Variants in RANBP17 observed in about 807,000 individuals in gnomAD.
RANBP17 encodes RAN binding protein 17, also known as ran-binding protein 17.
Under a neutral mutation model 141.2 loss-of-function variants are expected in RANBP17, and 158 were observed. The observed-to-expected ratio is 1.12, with a 90% CI of 0.98 to 1.28. RANBP17 has a LOEUF of 1.28. RANBP17 is among the 50% of genes most tolerant of loss of function. The pLI, the probability that RANBP17 is intolerant of heterozygous loss-of-function variation, is 0.00. For missense variants in RANBP17, 1,438 were observed against 1,290.7 expected (o/e 1.11, Z -1.75); for synonymous variants, 430 against 450.0 (o/e 0.96, Z 0.56).
intron 16 of RANBP17, among the ~76,000 whole-genome samples, chr5:171,178,019 G>GT (rs1464956115): frequency 4.1e-5 from 6 of 146,324 alleles, no homozygotes; most frequent in African/African-American, 1.6e-4. Flanking sequence ...TTTTTTATGT[G>GT]GTTTTTTTTT....
At chr5:171,183,873 C>T (rs939370596) in intron 18 of RANBP17, among the ~76,000 whole-genome samples, 3 of 151,984 alleles carry the variant, frequency 2.0e-5, no homozygotes, top group South Asian at 2.1e-4. Context: ...ATGATTGGCA[C>T]GCAATAAAAA....
chr5:171,068,569 T>TTG (rs1784441591), intron 14 of RANBP17, among the ~76,000 whole-genome samples: 2 of 148,926 alleles, frequency 1.3e-5, no homozygotes, highest in Non-Finnish European at 3.0e-5. Flanking sequence ...TTACTTTCCT[T>TTG]TTGTTGTTGT....
At chr5:171,109,295 T>G (rs917650861) in intron 14 of RANBP17, among the ~76,000 whole-genome samples, 3 of 152,234 alleles carry the variant, frequency 2.0e-5, no homozygotes, top group Non-Finnish European at 4.4e-5. Context: ...CTGCTCAAAC[T>G]AAGCAGCTGT....
chr5:171,225,760 G>A (rs983273512), intron 22 of RANBP17, among the ~76,000 whole-genome samples: 1 of 152,204 alleles, frequency 6.6e-6, no homozygotes, highest in African/African-American at 2.4e-5. Context: ...AAATGCAACT[G>A]ACTTGTTATG....
intron 14 of RANBP17, among the ~76,000 whole-genome samples, chr5:171,162,271 G>A: frequency 6.6e-6 from 1 of 152,164 alleles, no homozygotes; most frequent in Non-Finnish European, 1.5e-5. Context: ...GCTGTGTCAG[G>A]ACAAATGTAC....
At chr5:170,908,056 C>T (rs1037766437) in intron 5 of RANBP17, among the ~76,000 whole-genome samples, 1 of 151,938 alleles carries the variant, frequency 6.6e-6, no homozygotes. Context: ...GAAAAGGGAA[C>T]TCTTATATAC....
chr5:170,868,447 T>C (rs545167805), intron 1 of RANBP17, among the ~76,000 whole-genome samples: 1 of 147,384 alleles, frequency 6.8e-6, no homozygotes, highest in South Asian at 2.1e-4. Context: ...TGTTGTTGTA[T>C]TTTTTGAAGA....
At chr5:171,007,108 A>G (rs1779689859) in intron 14 of RANBP17, among the ~76,000 whole-genome samples, 1 of 152,180 alleles carries the variant, frequency 6.6e-6, no homozygotes, top group South Asian at 2.1e-4. Flanking sequence ...GGGAAAGGGT[A>G]GAAGTTAGGA....
intron 13 of RANBP17, among the ~76,000 whole-genome samples, chr5:170,957,560 A>T (rs1278621414): frequency 6.6e-6 from 1 of 152,196 alleles, no homozygotes; most frequent in Non-Finnish European, 1.5e-5. Flanking sequence ...CTGAGGTTGA[A>T]CAAGGTGATA....
chr5:171,088,922 C>G (rs1785939580), intron 14 of RANBP17, among the ~76,000 whole-genome samples: 1 of 151,976 alleles, frequency 6.6e-6, no homozygotes, highest in Non-Finnish European at 1.5e-5. Flanking sequence ...CCTCCTGTAG[C>G]TCAGAGTAAT....
intron 12 of RANBP17, among the ~76,000 whole-genome samples, chr5:170,942,471 T>C (rs984102225): frequency 2.0e-5 from 3 of 152,180 alleles, no homozygotes; most frequent in Non-Finnish European, 4.4e-5. Context: ...AGATGTTTAA[T>C]GAAAAGCAAC....
At chr5:171,144,233 G>T (rs1328553933) in intron 14 of RANBP17, among the ~76,000 whole-genome samples, 1 of 151,980 alleles carries the variant, frequency 6.6e-6, no homozygotes. Context: ...GAATGGTGGT[G>T]TGCACTACTC....
At chr5:171,192,916 G>GAAAAACA (rs747172651) in intron 18 of RANBP17, among the ~76,000 whole-genome samples, 1 of 152,154 alleles carries the variant, frequency 6.6e-6, no homozygotes, top group African/African-American at 2.4e-5. Context: ...AAACTGAAAT[G>GAAAAACA]AAAAACAAAT....
chr5:170,914,165 A>C lies in RANBP17; in HGVS notation c.761-2A>C, dbSNP rs1301583214. 1 of 1,598,174 alleles carries C rather than the reference A, an allele frequency of 6.3e-7. No homozygotes were observed. Among genetic ancestry groups the C allele is most frequent in the Non-Finnish European group, 8.6e-7 (1 of 1,166,560 alleles). ...GTGTTAGAAAATAATTTTTTTTCCC[A>C]GTTTTCCTGGAACCAGAAACATTGG... On this transcript the variant is annotated splice_acceptor_variant, in intron 7 of 27. Coordinates refer to ENST00000523189, the MANE Select transcript of RANBP17 (RefSeq NM_022897.5). LOFTEE classifies it high-confidence loss of function.
intron 14 of RANBP17, among the ~76,000 whole-genome samples, chr5:171,134,859 T>C (rs1757162440): frequency 6.6e-6 from 1 of 150,746 alleles, no homozygotes; most frequent in African/African-American, 2.4e-5. Context: ...GAAGCAGAGG[T>C]TATAGTGAGC....
intron 22 of RANBP17, among the ~76,000 whole-genome samples, chr5:171,230,587 C>T (rs1384281011): frequency 6.6e-6 from 1 of 152,042 alleles, no homozygotes; most frequent in African/African-American, 2.4e-5. Context: ...ATGGCGAAAC[C>T]CCATCTCTAC....
intron 14 of RANBP17, among the ~76,000 whole-genome samples, chr5:171,056,044 A>G (rs988008407): frequency 6.6e-6 from 1 of 152,194 alleles, no homozygotes; most frequent in Non-Finnish European, 1.5e-5. Context: ...AAAATACTTT[A>G]TTCAATTGTT....
intron 14 of RANBP17, among the ~76,000 whole-genome samples, chr5:171,058,667 G>T (rs1443672126): frequency 6.7e-6 from 1 of 150,170 alleles, no homozygotes; most frequent in South Asian, 2.1e-4. Flanking sequence ...AGTCCTTTGG[G>T]TATATACCCA....
Position 170,906,759 on chromosome 5 carries a change from A to G in RANBP17, c.490-2902A>G, listed in dbSNP as rs369886860. 7.2e-4 allele frequency among the ~76,000 whole-genome samples: 109 copies of G among 152,036 alleles called. 1 individual carries two copies. The South Asian group carries it at 0.017, about 23-fold the overall frequency. On this transcript the variant is annotated intron_variant, in intron 5 of 27. Transcript: ENST00000523189. ...TGCTCAGATTTTCCAAGATTTGACC[A>G]ATAGGACCTTTTTCAAGCTGATTTT... is the stretch of plus-strand genomic sequence containing the variant.
Sources: gnomAD v4.1 joint callset for allele counts (sites outside exome capture counted in the v4.1 genomes callset) on GRCh38, gnomAD v4.1.1 for gene constraint, MANE v1.5 for transcripts, NCBI Gene and HGNC (gene_info 2026-07-23, HGNC 2026-07-21) for gene names.